DGKB: variants seen among roughly 807,000 people sequenced by gnomAD.
DGKB encodes the protein diacylglycerol kinase beta.
Under a neutral mutation model 114.3 loss-of-function variants are expected in DGKB, and 67 were observed. That is an observed-to-expected ratio of 0.59 (90% CI 0.48 to 0.72). The LOEUF (loss-of-function observed/expected upper bound fraction) is 0.72, where lower values mean the gene tolerates loss of function less well. Ranked by LOEUF, DGKB falls within the 30% of genes least tolerant of loss-of-function variation. The pLI is 0.00. For missense variants in DGKB, 907 were observed against 975.2 expected, an observed-to-expected ratio of 0.93 and a Z score of 0.93; for synonymous variants, 398 against 323.1, an observed-to-expected ratio of 1.23 and a Z score of -2.49.
At chr7:14,525,849 G>A (rs78754181) in intron 20 of DGKB, among the ~76,000 whole-genome samples, 12,118 of 147,246 alleles carry the variant, frequency 0.082, 900 homozygotes, top group East Asian at 0.44. Context: ...CATTACATTG[G>A]ACCCACAAAG....
chr7:14,507,381 T>C, intron 20 of DGKB, among the ~76,000 whole-genome samples: 1 of 152,192 alleles, frequency 6.6e-6, no homozygotes, highest in South Asian at 2.1e-4. Context: ...CCCCTGAGCA[T>C]ACTGTCAGAA....
upstream of DGKB, among the ~76,000 whole-genome samples, chr7:14,905,243 A>AGT (rs1554341615): frequency 8.0e-5 from 3 of 37,372 alleles, no homozygotes; most frequent in African/African-American, 7.7e-5. Flanking sequence ...CCATCTTGTT[A>AGT]GTTTTTTTTT....
At chr7:14,919,086 A>G (rs1784386235) in intron 1 of DGKB, among the ~76,000 whole-genome samples, 1 of 123,242 alleles carries the variant, frequency 8.1e-6, no homozygotes, top group Non-Finnish European at 1.7e-5. Context: ...ACACACACAC[A>G]CACACACAAA....
chr7:14,854,921 A>T (rs905235994), intron 1 of DGKB, among the ~76,000 whole-genome samples: 9 of 151,690 alleles, frequency 5.9e-5, no homozygotes, highest in South Asian at 2.1e-4. Context: ...AGAATGATTT[A>T]AAAAAATGAA....
intron 23 of DGKB, among the ~76,000 whole-genome samples, chr7:14,242,425 T>A (rs1400587125): frequency 6.6e-6 from 1 of 152,136 alleles, no homozygotes; most frequent in East Asian, 1.9e-4. Flanking sequence ...TCACTCACAG[T>A]AAAGGTCACA....
chr7:14,835,956 T>C (rs1270718006), intron 2 of DGKB, among the ~76,000 whole-genome samples: 1 of 152,184 alleles, frequency 6.6e-6, no homozygotes, highest in African/African-American at 2.4e-5. Context: ...TGTATACTAT[T>C]TACAGTAAGG....
intron 21 of DGKB, among the ~76,000 whole-genome samples, chr7:14,444,339 T>C (rs987576494): frequency 6.6e-6 from 1 of 151,816 alleles, no homozygotes. Flanking sequence ...GATAATTGTA[T>C]ATATGAGTTT....
intron 23 of DGKB, among the ~76,000 whole-genome samples, chr7:14,261,922 C>A (rs4141103): frequency 0.93 from 142,308 of 152,252 alleles, 66,566 homozygotes; most frequent in South Asian, 0.98. Context: ...CTTCCATGTA[C>A]AACTCCTCAA....
chr7:14,673,259 A>C (rs566328422), intron 12 of DGKB, among the ~76,000 whole-genome samples: 1 of 152,186 alleles, frequency 6.6e-6, no homozygotes, highest in South Asian at 2.1e-4. Context: ...TATAATTCTC[A>C]GAAATGTTTA....
At chr7:14,152,690 A>G (rs1782399710) in intron 25 of DGKB, among the ~76,000 whole-genome samples, 2 of 152,136 alleles carry the variant, frequency 1.3e-5, no homozygotes, top group South Asian at 2.1e-4. Flanking sequence ...TAATTATTCA[A>G]TATGAAATAA....
chr7:14,811,271 G>A (rs1843398181), intron 2 of DGKB, among the ~76,000 whole-genome samples: 1 of 152,116 alleles, frequency 6.6e-6, no homozygotes, highest in African/African-American at 2.4e-5. Context: ...GCAGTGGTGT[G>A]ATTATAGCTC....
At chr7:14,347,507 G>A (rs1225720879) in intron 21 of DGKB, among the ~76,000 whole-genome samples, 2 of 151,860 alleles carry the variant, frequency 1.3e-5, no homozygotes, top group Non-Finnish European at 2.9e-5. Flanking sequence ...GCTAAGTGAA[G>A]GAAGCCAGAA....
intron 21 of DGKB, among the ~76,000 whole-genome samples, chr7:14,345,982 A>C (rs1181290324): frequency 6.6e-6 from 1 of 151,338 alleles, no homozygotes; most frequent in Non-Finnish European, 1.5e-5. Flanking sequence ...ATAGATTTTT[A>C]TATTATCTAG....
chr7:14,149,272 A>T (rs1266846881), intron 25 of DGKB, 34 bp from the exon 26 acceptor site: 1 of 1,488,708 alleles, frequency 6.7e-7, no homozygotes, highest in Non-Finnish European at 9.3e-7. Flanking sequence ...GAGAGAAAGA[A>T]TAGAGTAATC....
chr7:14,509,838 G>T (rs142721681), intron 20 of DGKB, among the ~76,000 whole-genome samples: 1 of 152,272 alleles, frequency 6.6e-6, no homozygotes, highest in African/African-American at 2.4e-5. Context: ...AATCCAGTAG[G>T]AAAGTGAGTC....
intron 20 of DGKB, among the ~76,000 whole-genome samples, chr7:14,549,047 G>T (rs2195753): frequency 0.011 from 1,665 of 151,968 alleles, 20 homozygotes; most frequent in African/African-American, 0.038. Flanking sequence ...AACAATCCTG[G>T]TGATCATCAG....
intron 1 of DGKB, among the ~76,000 whole-genome samples, chr7:14,859,076 C>G (rs567641653): frequency 1.2e-4 from 19 of 152,088 alleles, no homozygotes; most frequent in African/African-American, 4.3e-4. Flanking sequence ...AAAGTCTGAC[C>G]TGGGATTATG....
At chr7:14,646,928 G>C (rs1813146634) in intron 13 of DGKB, among the ~76,000 whole-genome samples, 2 of 151,034 alleles carry the variant, frequency 1.3e-5, no homozygotes, top group Admixed American at 6.6e-5. Context: ...AGAAAAGCAA[G>C]AACAAACTAA....
intron 23 of DGKB, among the ~76,000 whole-genome samples, chr7:14,216,892 G>T (rs1789073990): frequency 6.6e-6 from 1 of 152,086 alleles, no homozygotes; most frequent in Non-Finnish European, 1.5e-5. Flanking sequence ...TCAGTAGATA[G>T]AATTATGAAT....
Sources: allele counts gnomAD v4.1 joint callset (sites outside exome capture counted in the v4.1 genomes callset), GRCh38; gene constraint gnomAD v4.1.1; transcripts MANE v1.5; gene names NCBI Gene and HGNC (gene_info 2026-07-23, HGNC 2026-07-21).